The following FMO1 variants were observed in gnomAD, a reference collection of about 807,000 sequenced individuals.
The protein encoded by FMO1 is flavin-containing monooxygenase 1.
FMO1 carries 36 observed loss-of-function variants against 45.4 expected under a neutral mutation model. The observed-to-expected ratio is 0.79, with a 90% CI of 0.61 to 1.05. The LOEUF is 1.05. FMO1 is among the 50% of genes least tolerant of loss of function. FMO1 has a pLI of 0.00. For missense variants in FMO1, 615 were observed against 640.3 expected (o/e 0.96, Z 0.43); for synonymous variants, 228 against 227.2 (o/e 1.00, Z -0.03).
chr1:171,277,721 G>A (rs895937319), intron 4 of FMO1, among the ~76,000 whole-genome samples: 2 of 152,172 alleles, frequency 1.3e-5, no homozygotes, highest in African/African-American at 4.8e-5. Flanking sequence ...CCTGTGCTGA[G>A]TAAATATTGG....
At chr1:171,274,817 T>A (rs1191339201) in intron 3 of FMO1, among the ~76,000 whole-genome samples, 1 of 152,222 alleles carries the variant, frequency 6.6e-6, no homozygotes, top group Non-Finnish European at 1.5e-5. Flanking sequence ...AAATAGATTC[T>A]TTGAAATGTG....
At chr1:171,258,310 G>T in intron 2 of FMO1, 91 bp downstream of exon 2, 1 of 1,484,546 alleles carries the variant, frequency 6.7e-7, no homozygotes. Flanking sequence ...AAGGGTTGGT[G>T]GCCTTGAGGA....
At chr1:171,250,111 T>C (rs1238254656) in intron 1 of FMO1, among the ~76,000 whole-genome samples, 3 of 152,210 alleles carry the variant, frequency 2.0e-5, no homozygotes, top group Non-Finnish European at 2.9e-5. Context: ...ACAAGTAATA[T>C]ACAAACTAAA....
rs770843838 is a variant in FMO1 at position 171,278,737 on chromosome 1, G to A, written c.493G>A (p.Ala165Thr). The change falls in exon 5 of 9, where the codon GCC becomes ACC. Residue 165 changes from alanine to threonine, a missense_variant. Ala to Thr is a moderately conservative substitution (Grantham distance 58). Transcript: ENST00000617670. ...LPLDSFPGIN[A>T]FKGQYFHSRQ... ...TCTTTTATTTTCTATAGGTATTAATGCCTTTAAAGGCCAGTACTTTCATAG... is the reference window on the plus strand; with the variant it reads ...TCTTTTATTTTCTATAGGTATTAATACCTTTAAAGGCCAGTACTTTCATAG... 7 of 1,600,518 alleles carry A rather than the reference G, an allele frequency of 4.4e-6. No homozygotes were observed. In the African/African-American group the frequency reaches 9.4e-5, roughly 21 times the overall value.
intron 1 of FMO1, among the ~76,000 whole-genome samples, chr1:171,256,318 C>T (rs1018123834): frequency 3.3e-5 from 5 of 149,934 alleles, no homozygotes; most frequent in Non-Finnish European, 7.4e-5. Flanking sequence ...TCCCATCTTG[C>T]GAGTGAGTAA....
In FMO1 at chr1:171,283,216, G is replaced by T. The variant is rs777570410; in HGVS notation, c.1256G>T (p.Trp419Leu). The change falls in exon 8 of 9, where the codon TGG becomes TTG. Residue 419 changes from tryptophan to leucine, a missense_variant and splice_region_variant. Transcript: ENST00000617670. Reference sequence around the variant, plus strand: ...GCAAGGAAAGAAAACAAGCCCAGTTGGTAAGTTAACTACTTAATGCACCCT... The same window carrying T: ...GCAAGGAAAGAAAACAAGCCCAGTTTGTAAGTTAACTACTTAATGCACCCT... ...INARKENKPS[W>L]FGLCYCKALQ... The T allele has an allele frequency of 8.2e-6, 10 of 1,220,534 alleles. No individual in the cohort carries two copies. Among genetic ancestry groups the T allele is most frequent in the Non-Finnish European group, 1.1e-5 (10 of 912,984 alleles). 75.6% of individuals were successfully genotyped at this position (1,220,534 alleles called of 1,614,324 possible).
At chr1:171,275,531 C>A (rs1558014630) in intron 4 of FMO1, 23 bp downstream of exon 4, 1 of 1,582,012 alleles carries the variant, frequency 6.3e-7, no homozygotes, top group East Asian at 2.3e-5. Flanking sequence ...CTGTAACTAA[C>A]TTTAAGTTTT....
intron 1 of FMO1, among the ~76,000 whole-genome samples, chr1:171,254,831 C>G (rs570784567): frequency 6.6e-6 from 1 of 152,292 alleles, no homozygotes; most frequent in Admixed American, 6.5e-5. Context: ...GTTTTCCTAC[C>G]AACCCATTGT....
chr1:171,278,478 T>C (rs981330120), intron 4 of FMO1, among the ~76,000 whole-genome samples: 9 of 152,176 alleles, frequency 5.9e-5, no homozygotes, highest in Admixed American at 2.6e-4. Flanking sequence ...GCCATAATAT[T>C]TCAGCTCAGT....
intron 3 of FMO1, among the ~76,000 whole-genome samples, chr1:171,272,441 C>T (rs1660908763): frequency 6.6e-6 from 1 of 152,200 alleles, no homozygotes; most frequent in African/African-American, 2.4e-5. Flanking sequence ...AGAAGAGGGC[C>T]ACCATCCTTC....
In FMO1 at chr1:171,285,778, A is replaced by T; in HGVS notation, c.*234A>T. On this transcript the variant is annotated 3_prime_UTR_variant, in exon 9 of 9. Coordinates refer to ENST00000617670, the MANE Select transcript of FMO1 (RefSeq NM_001282693.2). ...TCTGTGCATTTGAAGGTTGTTGGAA[A>T]GTTACAGGTTCATTTTAGAAAGAAA... 1 of 349,808 alleles carries T rather than the reference A, an allele frequency of 2.9e-6. No homozygotes were observed. The highest frequency in any genetic ancestry group is 5.1e-6 in the Non-Finnish European group (1 of 196,410). 21.7% of individuals were successfully genotyped at this position (349,808 alleles called of 1,614,324 possible).
chr1:171,254,014 G>C (rs1427292431), intron 1 of FMO1: 1 of 152,128 alleles, frequency 6.6e-6, no homozygotes, highest in Non-Finnish European at 1.5e-5. Context: ...TACTACCTTT[G>C]GACTAGCCAA....
intron 1 of FMO1, among the ~76,000 whole-genome samples, chr1:171,256,272 CAAAAAAAAAAAA>C (rs34529047): frequency 2.6e-5 from 2 of 78,284 alleles, no homozygotes; most frequent in East Asian, 7.2e-4. Context: ...GACTCCATCT[CAAAAAAAAAAAA>C]AAAAAAAAAA....
chr1:171,249,264 A>G (rs962162274), intron 1 of FMO1, among the ~76,000 whole-genome samples: 2 of 152,152 alleles, frequency 1.3e-5, no homozygotes, highest in African/African-American at 4.8e-5. Context: ...GGGTTTGAAA[A>G]TCATTTTTAG....
At chr1:171,270,765 A>C (rs908219536) in intron 3 of FMO1, 2 of 1,010,986 alleles carry the variant, frequency 2.0e-6, no homozygotes, top group African/African-American at 3.4e-5. Flanking sequence ...TATTGAAAAC[A>C]CCACCAGGAG....
intron 2 of FMO1, among the ~76,000 whole-genome samples, chr1:171,263,744 C>T (rs1660480673): frequency 6.6e-6 from 1 of 152,178 alleles, no homozygotes; most frequent in Non-Finnish European, 1.5e-5. Context: ...GAGTTCAAGG[C>T]AACTGGTGGA....
chr1:171,271,117 T>C, intron 3 of FMO1: 5 of 880,644 alleles, frequency 5.7e-6, no homozygotes, highest in South Asian at 5.4e-5. Context: ...TGCAGCAATA[T>C]CCTTTTTGTA....
chr1:171,281,577 T>G (rs1035091607), intron 6 of FMO1, among the ~76,000 whole-genome samples: 1 of 152,190 alleles, frequency 6.6e-6, no homozygotes, highest in Admixed American at 6.5e-5. Flanking sequence ...AATACATGCA[T>G]GTTTCCCTTA....
At chr1:171,269,150 C>T (rs974422038) in intron 3 of FMO1, among the ~76,000 whole-genome samples, 1 of 152,138 alleles carries the variant, frequency 6.6e-6, no homozygotes, top group African/African-American at 2.4e-5. Context: ...TCTTTATCAG[C>T]AGCATGAAAA....
Sources: gnomAD v4.1 joint callset for allele counts (sites outside exome capture counted in the v4.1 genomes callset) on GRCh38, gnomAD v4.1.1 for gene constraint, MANE v1.5 for transcripts, NCBI Gene and HGNC (gene_info 2026-07-23, HGNC 2026-07-21) for gene names.